DHTKD1: variants seen among roughly 807,000 people sequenced by gnomAD.
DHTKD1 encodes the protein dehydrogenase E1 and transketolase domain containing 1.
A neutral mutation model predicts 101.8 loss-of-function variants in DHTKD1; 78 were observed. That is an observed-to-expected ratio of 0.77 (90% confidence interval 0.64 to 0.93). The LOEUF (loss-of-function observed/expected upper bound fraction) is 0.93. Ranked by LOEUF, DHTKD1 falls within the 40% of genes least tolerant of loss-of-function variation. The pLI is 0.00. For missense variants in DHTKD1, 1,223 were observed against 1,161.7 expected (o/e 1.05, Z -0.77); for synonymous variants, 462 against 450.3 (o/e 1.03, Z -0.33).
chr10:12,084,821 C>T (rs1340885391), intron 3 of DHTKD1, 70 bp downstream of exon 3: 66 of 1,395,706 alleles, frequency 4.7e-5, no homozygotes, highest in Admixed American at 6.9e-5. Flanking sequence ...GAGGCCGAGG[C>T]GGGCGGATCA....
rs2131342213 is a variant in DHTKD1, at chr10:12,069,014, G to A, written c.-20G>A. On this transcript the variant is annotated 5_prime_UTR_variant, in exon 1 of 17. Coordinates refer to ENST00000263035, the MANE Select transcript of DHTKD1 (RefSeq NM_018706.7). ...CCTCGGGCTCCCGCCTTAGCATGCT[G>A]GCCGGGACATCTGGTGAACATGGCC... 5 of 1,612,768 alleles carry A rather than the reference G, an allele frequency of 3.1e-6. No homozygotes were observed. The highest frequency in any genetic ancestry group is 1.1e-5 in the South Asian group (1 of 91,012).
At chr10:12,118,569 A>G (rs1833459462) in intron 14 of DHTKD1, among the ~76,000 whole-genome samples, 180 bp from the exon 15 acceptor site, 1 of 151,786 alleles carries the variant, frequency 6.6e-6, no homozygotes, top group South Asian at 2.1e-4. Flanking sequence ...TTTTTAGTAG[A>G]GACAGGGTTT....
At chr10:12,088,321 A>G (rs1160103726) in intron 4 of DHTKD1, among the ~76,000 whole-genome samples, 1 of 151,914 alleles carries the variant, frequency 6.6e-6, no homozygotes, top group Non-Finnish European at 1.5e-5. Flanking sequence ...CATGGTCTCT[A>G]CAAACATGAA....
chr10:12,093,378 G>T (rs1160514566), intron 6 of DHTKD1, among the ~76,000 whole-genome samples: 1 of 152,192 alleles, frequency 6.6e-6, no homozygotes, highest in Non-Finnish European at 1.5e-5. Flanking sequence ...TGTAGAGATT[G>T]AGTCACTGTG....
Position 12,094,105 on chromosome 10 carries a change from A to C in DHTKD1, c.1192A>C (p.Asn398His). The change falls in exon 7 of 17, where the codon AAT becomes CAT. Residue 398 changes from asparagine to histidine, a missense_variant. Transcript: ENST00000263035. ...KLVGCAIIHV[N>H]GDSPEEVVRA... ...TGTGGGCTGTGCCATCATCCATGTC[A>C]ATGGAGACAGCCCAGAGGAAGTGGT... The C allele has an allele frequency of 1.2e-6, 2 of 1,614,016 alleles. No individual in the cohort carries two copies. The highest frequency in any genetic ancestry group is 1.7e-6 in the Non-Finnish European group (2 of 1,179,986).
At chr10:12,115,006 A>G (rs1473578521) in intron 13 of DHTKD1, among the ~76,000 whole-genome samples, 1 of 151,896 alleles carries the variant, frequency 6.6e-6, no homozygotes, top group Non-Finnish European at 1.5e-5. Flanking sequence ...TGTGTTAGCC[A>G]GGATGGTCTC....
intron 2 of DHTKD1, among the ~76,000 whole-genome samples, chr10:12,084,210 C>T (rs1044225603): frequency 3.6e-4 from 54 of 152,110 alleles, no homozygotes; most frequent in African/African-American, 9.7e-4. Context: ...GCGTGAGCCA[C>T]GGCACCCGGC....
At chr10:12,093,221 T>C (rs1833018579) in intron 6 of DHTKD1, among the ~76,000 whole-genome samples, 1 of 152,102 alleles carries the variant, frequency 6.6e-6, no homozygotes, top group South Asian at 2.1e-4. Context: ...ATTTTGTGTT[T>C]TTAGTAGAGA....
chr10:12,120,398 A>G (rs537575528), intron 16 of DHTKD1, 131 bp downstream of exon 16: 2 of 735,998 alleles, frequency 2.7e-6, no homozygotes, highest in African/African-American at 1.8e-5. Flanking sequence ...CAGTGGCGCA[A>G]TCTCAGCTCA....
chr10:12,094,629 G>A (rs1157145763), intron 7 of DHTKD1, among the ~76,000 whole-genome samples: 2 of 152,092 alleles, frequency 1.3e-5, no homozygotes, highest in African/African-American at 2.4e-5. Flanking sequence ...GAGCCACCAT[G>A]CCCAGGCAGG....
intron 6 of DHTKD1, among the ~76,000 whole-genome samples, 176 bp from the exon 7 acceptor site, chr10:12,093,897 A>G (rs2131362399): frequency 6.6e-6 from 1 of 152,334 alleles, no homozygotes; most frequent in East Asian, 1.9e-4. Context: ...CCGAGGTCAC[A>G]CAATAAGTCC....
chr10:12,094,143 A>G lies in DHTKD1; in HGVS notation c.1230A>G (p.Arg410=), dbSNP rs1053451589. 1 of 1,614,088 alleles carries G rather than the reference A, an allele frequency of 6.2e-7. No homozygotes were observed. The highest frequency in any genetic ancestry group is 2.2e-5 in the East Asian group (1 of 44,876). Residue 410 remains arginine, a synonymous_variant, in exon 7 of 17, where the codon CGA becomes CGG. Transcript: ENST00000263035. ...DSPEEVVRAT[R]LAFEYQRQFR... The stretch of plus-strand genomic sequence containing the variant: ...CAGAGGAAGTGGTCCGTGCCACACG[A>G]CTGGCTTTTGAATACCAACGCCAGT...
chr10:12,106,202 C>T (rs746134120), intron 10 of DHTKD1, 44 bp from the exon 11 acceptor site: 30 of 1,610,640 alleles, frequency 1.9e-5, no homozygotes, highest in African/African-American at 5.3e-5. Flanking sequence ...AGTGCTCTGC[C>T]GTGGCCCTCA....
intron 2 of DHTKD1, among the ~76,000 whole-genome samples, chr10:12,084,169 C>T (rs892866074): frequency 4.6e-5 from 7 of 152,108 alleles, no homozygotes; most frequent in South Asian, 2.1e-4. Context: ...GAGATCCACC[C>T]GCCTTGCCTC....
At position 12,103,124 on chromosome 10, in the gene DHTKD1, G is replaced by A. The variant is rs956061149; in HGVS notation, c.1896+1943G>A. 3.9e-5 allele frequency among the ~76,000 whole-genome samples: 6 copies of A among 152,170 alleles called. No individual in the cohort carries two copies. The highest frequency in any genetic ancestry group is 1.2e-4 in the African/African-American group (5 of 41,466). On this transcript the variant is annotated intron_variant, in intron 10 of 16. Coordinates refer to ENST00000263035, the MANE Select transcript of DHTKD1 (RefSeq NM_018706.7). The surrounding 1 kb of genome is among the most constrained non-coding windows in gnomAD (Gnocchi z 4.8). ...TGTAATCCCAGCTACTCAGGAGGTT[G>A]AGGCAGGAGAATTGCTTGAACCCAG...
intron 7 of DHTKD1, among the ~76,000 whole-genome samples, chr10:12,096,881 G>A (rs1187845349): frequency 6.6e-6 from 1 of 152,118 alleles, no homozygotes; most frequent in South Asian, 2.1e-4. Flanking sequence ...TTAGATAAAG[G>A]GGGGTGCTGA....
At chr10:12,076,210 GC>G (rs2131347847) in intron 1 of DHTKD1, among the ~76,000 whole-genome samples, 1 of 152,372 alleles carries the variant, frequency 6.6e-6, no homozygotes, top group African/African-American at 2.4e-5. Flanking sequence ...GAGTGCGGTG[GC>G]TCACGCCTGT....
chr10:12,086,952 G>T (rs1040371692), intron 3 of DHTKD1, among the ~76,000 whole-genome samples: 1 of 152,176 alleles, frequency 6.6e-6, no homozygotes, highest in Non-Finnish European at 1.5e-5. Flanking sequence ...CTCCCGAAGT[G>T]CTGGGATTAC....
At chr10:12,089,916 C>A (rs1832960559) in intron 5 of DHTKD1, among the ~76,000 whole-genome samples, 1 of 152,102 alleles carries the variant, frequency 6.6e-6, no homozygotes, top group Admixed American at 6.6e-5. Context: ...AGTGATCCTC[C>A]CACCTCAGCC....
Sources: gnomAD v4.1 joint callset for allele counts (sites outside exome capture counted in the v4.1 genomes callset) on GRCh38, gnomAD v4.1.1 for gene constraint, Gnocchi (gnomAD v3.1) non-coding constraint, MANE v1.5 for transcripts, NCBI Gene and HGNC (gene_info 2026-07-23, HGNC 2026-07-21) for gene names.